Variants in PPP6R3 observed in about 807,000 individuals in gnomAD.
PPP6R3 encodes the protein protein phosphatase 6 regulatory subunit 3.
A neutral mutation model predicts 110.7 loss-of-function variants in PPP6R3; 38 were observed. The ratio of observed to expected loss-of-function variants is 0.34; its 90% CI spans 0.26 to 0.45. PPP6R3 has a LOEUF of 0.45. Ranked by LOEUF, PPP6R3 falls within the 20% of genes least tolerant of loss-of-function variation. The pLI, the probability that PPP6R3 is intolerant of heterozygous loss-of-function variation, is 1.00. For missense variants in PPP6R3, 870 were observed against 1,062.4 expected, an observed-to-expected ratio of 0.82 and a Z score of 2.52; for synonymous variants, 369 against 373.5, an observed-to-expected ratio of 0.99 and a Z score of 0.14.
intron 19 of PPP6R3, among the ~76,000 whole-genome samples, chr11:68,598,366 C>T (rs748305939): frequency 6.6e-5 from 10 of 152,162 alleles, no homozygotes; most frequent in Non-Finnish European, 1.3e-4. Flanking sequence ...GACTGCGTGC[C>T]GCTGCTGCTG....
At chr11:68,565,696 G>A (rs1035082962) in intron 9 of PPP6R3, among the ~76,000 whole-genome samples, 5 of 152,166 alleles carry the variant, frequency 3.3e-5, no homozygotes, top group African/African-American at 1.2e-4. Context: ...CGATTCAAAA[G>A]TAAGGCAGTG....
chr11:68,462,150 T>C (rs551919310), intron 1 of PPP6R3, among the ~76,000 whole-genome samples: 2 of 152,348 alleles, frequency 1.3e-5, no homozygotes, highest in South Asian at 2.1e-4. Flanking sequence ...GTCACCTCAG[T>C]GGCTGATTAG....
chr11:68,488,380 C>G (rs1236316359), intron 1 of PPP6R3, among the ~76,000 whole-genome samples: 1 of 152,110 alleles, frequency 6.6e-6, no homozygotes, highest in Non-Finnish European at 1.5e-5. Context: ...CGCTGTGTTT[C>G]CCAGCCTGGT....
At chr11:68,560,167 A>G (rs1311030380) in intron 8 of PPP6R3, among the ~76,000 whole-genome samples, 5 of 152,256 alleles carry the variant, frequency 3.3e-5, no homozygotes, top group Non-Finnish European at 5.9e-5. Flanking sequence ...GGCAGGACAA[A>G]TTAAACCCAA....
intron 2 of PPP6R3, chr11:68,522,610 G>C (rs1383889112): frequency 6.6e-6 from 1 of 152,258 alleles, no homozygotes; most frequent in Non-Finnish European, 1.5e-5. Flanking sequence ...GAAGTTTACT[G>C]TTGGTGCTAC....
chr11:68,613,165 T>G lies in PPP6R3; in HGVS notation c.*48T>G. ...ACTGAGGACTGCAGACCGCCACCAC[T>G]CAGGGGCTCTGGAGGGGTCAGCTGG... On this transcript the variant is annotated 3_prime_UTR_variant, in exon 24 of 24. Coordinates refer to ENST00000393800, the MANE Select transcript of PPP6R3 (RefSeq NM_001164161.2). 6.2e-7 allele frequency: 1 copy of G among 1,611,184 alleles called. No individual in the cohort carries two copies. Among genetic ancestry groups the G allele is most frequent in the South Asian group, 1.1e-5 (1 of 90,640 alleles).
At position 68,613,856 on chromosome 11, in the gene PPP6R3, A is replaced by C; in HGVS notation, c.*739A>C. 1.0e-6 allele frequency: 1 copy of C among 985,110 alleles called. No individual in the cohort carries two copies. Among genetic ancestry groups the C allele is most frequent in the Non-Finnish European group, 1.2e-6 (1 of 829,810 alleles). 61.0% of individuals were successfully genotyped at this position (985,110 alleles called of 1,614,324 possible). A position where few individuals can be genotyped will look rare whatever the true frequency, so the allele number is the denominator to read the frequency against. On this transcript the variant is annotated 3_prime_UTR_variant, in exon 24 of 24. Coordinates refer to ENST00000393800, the MANE Select transcript of PPP6R3 (RefSeq NM_001164161.2). ...CTTGAAATGATTATTCCTACAAGTGAAACACTAGACTATTTGGAGTGTATA... is the reference window on the plus strand; with the variant it reads ...CTTGAAATGATTATTCCTACAAGTGCAACACTAGACTATTTGGAGTGTATA...
At chr11:68,543,587 A>G (rs969592499) in intron 3 of PPP6R3, among the ~76,000 whole-genome samples, 19 of 152,114 alleles carry the variant, frequency 1.2e-4, no homozygotes, top group Non-Finnish European at 2.4e-4. Flanking sequence ...TGGATGCCCC[A>G]GGTGTGTCGT....
intron 1 of PPP6R3, among the ~76,000 whole-genome samples, chr11:68,518,704 T>A (rs932965335): frequency 8.5e-5 from 13 of 152,234 alleles, no homozygotes; most frequent in Non-Finnish European, 1.6e-4. Flanking sequence ...TGTTGATTGA[T>A]TTTAACAAAT....
intron 15 of PPP6R3, chr11:68,586,843 G>C (rs1333243204): frequency 1.3e-5 from 2 of 152,236 alleles, no homozygotes; most frequent in Non-Finnish European, 2.9e-5. Flanking sequence ...TGGAGGCTCT[G>C]CCCATATGTG....
chr11:68,512,486 T>C (rs916775707), intron 1 of PPP6R3, among the ~76,000 whole-genome samples: 1 of 152,214 alleles, frequency 6.6e-6, no homozygotes, highest in Non-Finnish European at 1.5e-5. Context: ...TCCTGAGTGT[T>C]GAAGCCCTGA....
At chr11:68,565,545 G>A (rs1249515947) in intron 9 of PPP6R3, among the ~76,000 whole-genome samples, 1 of 151,946 alleles carries the variant, frequency 6.6e-6, no homozygotes, top group African/African-American at 2.4e-5. Context: ...GAAGAGGAGA[G>A]AACATCACAA....
At chr11:68,611,656 CG>C (rs1341505024) in intron 23 of PPP6R3, among the ~76,000 whole-genome samples, 30 of 151,936 alleles carry the variant, frequency 2.0e-4, no homozygotes, top group African/African-American at 7.3e-4. Context: ...CCAGTGGTCT[CG>C]GGGCATACTA....
intron 2 of PPP6R3, among the ~76,000 whole-genome samples, chr11:68,521,956 G>T (rs555583014): frequency 6.6e-6 from 1 of 152,208 alleles, no homozygotes; most frequent in Non-Finnish European, 1.5e-5. Context: ...ATATTGATCT[G>T]CAGCAAGGTT....
At chr11:68,549,970 A>G (rs1003068923) in intron 5 of PPP6R3, among the ~76,000 whole-genome samples, 26 of 152,112 alleles carry the variant, frequency 1.7e-4, no homozygotes, top group Non-Finnish European at 1.5e-4. Flanking sequence ...CCGCCTGGAA[A>G]GTTTCCTGGT....
At chr11:68,497,137 C>A (rs548914582) in intron 1 of PPP6R3, among the ~76,000 whole-genome samples, 2 of 151,960 alleles carry the variant, frequency 1.3e-5, no homozygotes, top group South Asian at 4.2e-4. Flanking sequence ...AGCTCCGCCT[C>A]CCGGGTTCAC....
At chr11:68,598,361 C>T (rs1206578905) in intron 19 of PPP6R3, among the ~76,000 whole-genome samples, 2 of 152,152 alleles carry the variant, frequency 1.3e-5, no homozygotes, top group African/African-American at 2.4e-5. Context: ...GGCTGGACTG[C>T]GTGCCGCTGC....
At chr11:68,605,335 T>C (rs1938999778) in intron 22 of PPP6R3, among the ~76,000 whole-genome samples, 2 of 152,154 alleles carry the variant, frequency 1.3e-5, no homozygotes, top group Admixed American at 1.3e-4. Context: ...AAACAAAACT[T>C]AGTAAAGCTA....
At chr11:68,504,582 AC>A (rs1219447011) in intron 1 of PPP6R3, among the ~76,000 whole-genome samples, 6 of 152,332 alleles carry the variant, frequency 3.9e-5, no homozygotes, top group Admixed American at 3.9e-4. Flanking sequence ...AAGTAAGTGT[AC>A]CCCCTGTCAA....
Sources: gnomAD v4.1 joint callset for allele counts (sites outside exome capture counted in the v4.1 genomes callset) on GRCh38, gnomAD v4.1.1 for gene constraint, MANE v1.5 for transcripts, NCBI Gene and HGNC (gene_info 2026-07-23, HGNC 2026-07-21) for gene names.